WRNIP1: variants seen among roughly 807,000 people sequenced by gnomAD.
WRNIP1 encodes the protein WRN helicase interacting protein 1, also known as ATPase WRNIP1.
WRNIP1 carries 41 observed loss-of-function variants against 56.1 expected under a neutral mutation model. That is an observed-to-expected ratio of 0.73 (90% CI 0.57 to 0.95). The LOEUF is 0.95. Among genes scored for constraint, WRNIP1 ranks in the 40% least tolerant of loss-of-function variants. The pLI, the probability that WRNIP1 is intolerant of heterozygous loss-of-function variation, is 0.00. For missense variants in WRNIP1, 1,170 were observed against 939.4 expected (o/e 1.25, Z -3.21); for synonymous variants, 547 against 398.1 (o/e 1.37, Z -4.45).
intron 1 of WRNIP1, among the ~76,000 whole-genome samples, chr6:2,766,733 G>A (rs1765019818): frequency 6.6e-6 from 1 of 152,288 alleles, no homozygotes; most frequent in African/African-American, 2.4e-5. Context: ...GATTTGATCT[G>A]CCTTTATCTT....
chr6:2,784,937 TC>T lies in WRNIP1; in HGVS notation c.1723-69del, dbSNP rs1229180274. 1.9e-6 allele frequency: 3 copies of T among 1,571,622 alleles called. No individual in the cohort carries two copies. The African/African-American group carries it at 4.1e-5, about 21-fold the overall frequency. On this transcript the variant is annotated intron_variant, in intron 6 of 6. Coordinates refer to ENST00000380773, the MANE Select transcript of WRNIP1 (RefSeq NM_020135.3). Reference sequence around the variant, plus strand: ...TCTCAGAATTACCTAGAGCTGTGTATCAGAAGGGGCTCTGCAGAACAGAAGC... The same window carrying T: ...TCTCAGAATTACCTAGAGCTGTGTATAGAAGGGGCTCTGCAGAACAGAAGC...
rs1309062597 is a variant in WRNIP1 at position 2,784,342 on chromosome 6, C to T, written c.1661C>T (p.Ala554Val). 6 of 1,613,874 alleles carry T rather than the reference C, an allele frequency of 3.7e-6. No individual in the cohort carries two copies. Among genetic ancestry groups the T allele is most frequent in the African/African-American group, 1.3e-5 (1 of 74,924 alleles). The change falls in exon 6 of 7, where the codon GCG (alanine) becomes GTG (valine). Residue 554 changes from alanine (A) to valine (V), a missense_variant. Transcript: ENST00000380773. Reference sequence around the variant, plus strand: ...GTGGCAGGTCTGGCAGACCCGTCTGCGTTAACACAAGCGGTTGCTGCCTAC... The same window carrying T: ...GTGGCAGGTCTGGCAGACCCGTCTGTGTTAACACAAGCGGTTGCTGCCTAC... ...SEDIGLADPS[A>V]LTQAVAAYQG... is the part of the protein sequence containing the mutation.
At chr6:2,767,067 A>G (rs1290024131) in intron 1 of WRNIP1, among the ~76,000 whole-genome samples, 1 of 152,212 alleles carries the variant, frequency 6.6e-6, no homozygotes, top group African/African-American at 2.4e-5. Flanking sequence ...TTCATCCGGT[A>G]TTTCCGTAAC....
At chr6:2,776,870 T>C (rs534959832) in intron 3 of WRNIP1, among the ~76,000 whole-genome samples, 10 of 152,342 alleles carry the variant, frequency 6.6e-5, no homozygotes, top group African/African-American at 2.4e-4. Context: ...GTCAAGGTAG[T>C]CTAGCAGAAG....
At chr6:2,768,536 C>T (rs1765129684) in intron 1 of WRNIP1, among the ~76,000 whole-genome samples, 155 bp from the exon 2 acceptor site, 1 of 152,072 alleles carries the variant, frequency 6.6e-6, no homozygotes, top group East Asian at 1.9e-4. Context: ...TTTAAATGTC[C>T]TGTGGTATTT....
In WRNIP1 at chr6:2,783,445, C is replaced by T. The variant is rs1344773937; in HGVS notation, c.1526C>T (p.Ser509Phe). The stretch of plus-strand genomic sequence containing the variant: ...AACTGCATCTCCGCCCTGCACAAGT[C>T]CATGCGGGGCTCAGACCAGAACGCC... The part of the protein sequence containing the change: ...HYNCISALHK[S>F]MRGSDQNASL... Residue 509 changes from serine (S) to phenylalanine (F), a missense_variant, in exon 5 of 7, where the codon TCC (serine) becomes TTC (phenylalanine). Coordinates refer to ENST00000380773, the MANE Select transcript of WRNIP1 (RefSeq NM_020135.3). 1 of 1,613,074 alleles carries T rather than the reference C, an allele frequency of 6.2e-7. No homozygotes were observed. The highest frequency in any genetic ancestry group is 1.3e-5 in the African/African-American group (1 of 74,868).
rs199556155 is a variant in WRNIP1 at position 2,766,351 on chromosome 6, C to G, written c.729C>G (p.Ser243Arg). ...CGCTGCAGGATTACTTCGGGCAGAG[C>G]AAGGCCGTGGGCCAGGATACCCTGC... ...PDTLQDYFGQ[S>R]KAVGQDTLLR... The change falls in exon 1 of 7, where the codon AGC becomes AGG. Residue 243 changes from serine (S) to arginine (R), a missense_variant. Physicochemically the swap from Ser to Arg is moderately radical, Grantham distance 110. Transcript: ENST00000380773. 6.2e-7 allele frequency: 1 copy of G among 1,610,424 alleles called. No homozygotes were observed. The highest frequency in any genetic ancestry group is 8.5e-7 in the Non-Finnish European group (1 of 1,178,814).
chr6:2,784,870 CTG>C, intron 6 of WRNIP1, 135 bp from the exon 7 acceptor site: 1 of 1,135,932 alleles, frequency 8.8e-7, no homozygotes, highest in Non-Finnish European at 1.2e-6. Flanking sequence ...GTTATCCAGA[CTG>C]TAGGCGCAAA....
In WRNIP1 at chr6:2,765,691, C is replaced by T. The variant is rs1332693760; in HGVS notation, c.69C>T (p.Cys23=). 24 of 1,550,250 alleles carry T rather than the reference C, an allele frequency of 1.5e-5. No homozygotes were observed. The highest frequency in any genetic ancestry group is 1.8e-5 in the Non-Finnish European group (21 of 1,156,456). Residue 23 remains cysteine (C), a synonymous_variant, in exon 1 of 7, where the codon TGC becomes TGT. Coordinates refer to ENST00000380773, the MANE Select transcript of WRNIP1 (RefSeq NM_020135.3). Reference sequence around the variant, plus strand: ...TGCACCAGGTGCAGTGCCCCGTGTGCCAGCAGATGATGCCCGCCGCGCACA... The same window carrying T: ...TGCACCAGGTGCAGTGCCCCGTGTGTCAGCAGATGATGCCCGCCGCGCACA... ...SQLHQVQCPV[C]QQMMPAAHIN...
chr6:2,767,733 C>T (rs1765088614), intron 1 of WRNIP1, among the ~76,000 whole-genome samples: 1 of 152,144 alleles, frequency 6.6e-6, no homozygotes. Context: ...GCAAGAAGGT[C>T]CTTAGGGAGA....
intron 3 of WRNIP1, among the ~76,000 whole-genome samples, chr6:2,776,414 G>T (rs1033713306): frequency 1.3e-5 from 2 of 152,206 alleles, no homozygotes; most frequent in African/African-American, 4.8e-5. Flanking sequence ...TTTGGACGGG[G>T]TGAAATTTAA....
intron 6 of WRNIP1, 132 bp downstream of exon 6, chr6:2,784,535 G>A (rs1765661732): frequency 1.1e-6 from 1 of 902,124 alleles, no homozygotes; most frequent in African/African-American, 1.7e-5. Context: ...CTTGGCTTTG[G>A]AATTCCAATT....
At chr6:2,779,144 G>C in intron 3 of WRNIP1, 119 bp from the exon 4 acceptor site, 1 of 1,022,298 alleles carries the variant, frequency 9.8e-7, no homozygotes, top group Non-Finnish European at 1.4e-6. Context: ...GTGAGAATAA[G>C]AGGCAAAGGC....
rs1160483341 is a variant in WRNIP1 at position 2,768,378 on chromosome 6, C to T, written c.823-313C>T. ...CAGCTGTCACTCTGCTAAATCAAGA[C>T]AGCCGTTCTTTACTGGGATTCCAAA... On this transcript the variant is annotated intron_variant, in intron 1 of 6. Coordinates refer to ENST00000380773, the MANE Select transcript of WRNIP1 (RefSeq NM_020135.3). 1.3e-5 allele frequency among the ~76,000 whole-genome samples: 2 copies of T among 152,166 alleles called. 1 individual carries two copies. Among genetic ancestry groups the T allele is most frequent in the Non-Finnish European group, 2.9e-5 (2 of 68,030 alleles).
At chr6:2,772,189 A>G (rs1388616515) in intron 3 of WRNIP1, among the ~76,000 whole-genome samples, 1 of 152,240 alleles carries the variant, frequency 6.6e-6, no homozygotes. Context: ...ATTTGCAGGC[A>G]CATTAAAGTT....
Position 2,766,242 on chromosome 6 carries a change from G to A in WRNIP1, c.620G>A (p.Arg207His), listed in dbSNP as rs901083067. 3.4e-6 allele frequency: 5 copies of A among 1,477,400 alleles called. No individual in the cohort carries two copies. Among genetic ancestry groups the A allele is most frequent in the Non-Finnish European group, 9.0e-7 (1 of 1,111,782 alleles). 91.5% of individuals were successfully genotyped at this position (1,477,400 alleles called of 1,614,324 possible). Residue 207 changes from arginine (R) to histidine (H), a missense_variant, in exon 1 of 7, where the codon CGC (arginine) becomes CAC (histidine). By Grantham distance (29) the Arg-to-His change is conservative (BLOSUM62 0). Transcript: ENST00000380773. Reference protein sequence around the residue: ...ATAFGASGGGRPHPRALAAEE... With the variant: ...ATAFGASGGGHPHPRALAAEE... ...GCCTTCGGGGCCAGTGGCGGGGGCC[G>A]CCCGCACCCCCGGGCGCTGGCTGCC...
At chr6:2,778,799 T>C (rs770709854) in intron 3 of WRNIP1, among the ~76,000 whole-genome samples, 1 of 152,214 alleles carries the variant, frequency 6.6e-6, no homozygotes, top group Non-Finnish European at 1.5e-5. Flanking sequence ...AGAGCTAATA[T>C]TCAGATATAA....
At position 2,768,775 on chromosome 6, in the gene WRNIP1, A is replaced by G; in HGVS notation, c.907A>G (p.Asn303Asp). The change falls in exon 2 of 7, where the codon AAT becomes GAT. Residue 303 changes from asparagine to aspartate, a missense_variant. Asn to Asp is a conservative substitution (Grantham distance 23). Coordinates refer to ENST00000380773, the MANE Select transcript of WRNIP1 (RefSeq NM_020135.3). ...VTLSATNAKT[N>D]DVRDVIKQAQ... ...ATTATCTGCAACAAATGCCAAGACA[A>G]ATGATGTGCGAGATGTCATAAAACA... The G allele has an allele frequency of 6.2e-7, 1 of 1,614,040 alleles. No individual in the cohort carries two copies. Among genetic ancestry groups the G allele is most frequent in the Non-Finnish European group, 8.5e-7 (1 of 1,179,946 alleles).
chr6:2,772,916 T>C, intron 3 of WRNIP1: 1 of 955,490 alleles, frequency 1.0e-6, no homozygotes, highest in South Asian at 4.8e-5. Context: ...TCCAACCCCA[T>C]ATACTTACTT....
Sources: gnomAD v4.1 joint callset for allele counts (sites outside exome capture counted in the v4.1 genomes callset) on GRCh38, gnomAD v4.1.1 for gene constraint, MANE v1.5 for transcripts, NCBI Gene and HGNC (gene_info 2026-07-23, HGNC 2026-07-21) for gene names.